CLCN5: variants seen among roughly 807,000 people sequenced by gnomAD.
CLCN5 encodes the protein H(+)/Cl(-) exchange transporter 5.
Under a neutral mutation model 54.0 loss-of-function variants are expected in CLCN5, and 17 were observed. The observed-to-expected ratio is 0.31, with a 90% CI of 0.22 to 0.47. The LOEUF (loss-of-function observed/expected upper bound fraction) is 0.47, where lower values mean the gene tolerates loss of function less well. Ranked by LOEUF, CLCN5 falls within the 20% of genes least tolerant of loss-of-function variation. The pLI is 1.00. For synonymous variants in CLCN5, 222 were observed against 233.0 expected (o/e 0.95, Z 0.43); for missense variants, 448 against 646.7 (o/e 0.69, Z 3.33).
chrX:49,934,678 A>G (rs1248373356), intron 3 of CLCN5, among the ~76,000 whole-genome samples: 2 of 112,032 alleles, frequency 1.8e-5, no homozygotes, highest in Non-Finnish European at 3.8e-5. Context: ...ACATAGAGCA[A>G]TTAGAAATAA....
intron 3 of CLCN5, among the ~76,000 whole-genome samples, chrX:49,992,149 A>G (rs1929290301): frequency 9.2e-6 from 1 of 109,210 alleles, no homozygotes; most frequent in Non-Finnish European, 1.9e-5. Context: ...GAGTTGTGCC[A>G]TAGAATCTGC....
chrX:50,029,440 A>G (rs1335818496), intron 3 of CLCN5, among the ~76,000 whole-genome samples: 1 of 109,956 alleles, frequency 9.1e-6, no homozygotes, highest in African/African-American at 3.3e-5. Flanking sequence ...GCTGAGAATG[A>G]TGGTTTCCAG....
At chrX:50,037,287 T>C in intron 3 of CLCN5, among the ~76,000 whole-genome samples, 1 of 112,212 alleles carries the variant, frequency 8.9e-6, no homozygotes, top group Non-Finnish European at 1.9e-5. Context: ...CTGAGTTACA[T>C]AGGAGCTAAG....
At chrX:50,013,357 C>T (rs1557182969) in intron 3 of CLCN5, 2 of 355,221 alleles carry the variant, frequency 5.6e-6, no homozygotes, top group Non-Finnish European at 5.7e-6. Context: ...CTGAACAATC[C>T]AAGTAGCCCG....
At chrX:50,088,477 G>A (rs1437050329) in intron 11 of CLCN5, 5 of 424,012 alleles carry the variant, frequency 1.2e-5, no homozygotes, top group Non-Finnish European at 1.7e-5. Context: ...GATGGACCCC[G>A]AATCAGGGTA....
intron 3 of CLCN5, among the ~76,000 whole-genome samples, chrX:49,926,042 A>G (rs1330825860): frequency 1.8e-5 from 2 of 112,252 alleles, no homozygotes; most frequent in Admixed American, 9.4e-5. Flanking sequence ...GACAAACACT[A>G]CCAAAATTGG....
At chrX:49,949,882 T>A (rs781989132) in intron 3 of CLCN5, among the ~76,000 whole-genome samples, 1 of 111,927 alleles carries the variant, frequency 8.9e-6, no homozygotes. Context: ...GCTTTGAGTC[T>A]CCTGAAGAGC....
chrX:49,960,043 A>G (rs1927518376), intron 3 of CLCN5, among the ~76,000 whole-genome samples: 1 of 111,024 alleles, frequency 9.0e-6, no homozygotes, highest in African/African-American at 3.3e-5. Context: ...AACCTCTTTG[A>G]CATCATCATC....
intron 3 of CLCN5, among the ~76,000 whole-genome samples, chrX:49,931,019 C>T (rs1703654272): frequency 9.0e-6 from 1 of 111,201 alleles, no homozygotes; most frequent in Non-Finnish European, 1.9e-5. Context: ...CCAAAGATCA[C>T]CTGGTGATCT....
chrX:49,987,392 G>A (rs1280491149), intron 3 of CLCN5, among the ~76,000 whole-genome samples: 28 of 112,009 alleles, frequency 2.5e-4, no homozygotes, highest in African/African-American at 9.1e-4. Context: ...AAGGTGGATG[G>A]TATCTTATCC....
At chrX:50,006,711 C>G (rs1216946249) in intron 3 of CLCN5, among the ~76,000 whole-genome samples, 1 of 111,600 alleles carries the variant, frequency 9.0e-6, no homozygotes, top group Admixed American at 9.5e-5. Flanking sequence ...ATGCAATGCA[C>G]CTTGGCAGGG....
Position 50,072,485 on chromosome X carries a change from C to G in CLCN5, c.316-4C>G. The G allele has an allele frequency of 8.5e-7, 1 of 1,175,295 alleles. No homozygotes were observed. Among genetic ancestry groups the G allele is most frequent in the Non-Finnish European group, 1.2e-6 (1 of 862,373 alleles). On this transcript the variant is annotated splice_region_variant and splice_polypyrimidine_tract_variant and intron_variant, in intron 5 of 14. Transcript: ENST00000376091. ...TGTACCAATGTTTTCTCATTTTCCCCTAGATTACCAATAAAAGCAAAGAGT... is the reference window on the plus strand; with the variant it reads ...TGTACCAATGTTTTCTCATTTTCCCGTAGATTACCAATAAAAGCAAAGAGT...
chrX:49,937,417 GATT>G (rs1404237021), intron 3 of CLCN5, among the ~76,000 whole-genome samples: 5 of 111,344 alleles, frequency 4.5e-5, no homozygotes, highest in Admixed American at 3.8e-4. Context: ...TACCTCACTA[GATT>G]ATTTCCTCGA....
At chrX:50,011,395 G>A (rs1468840685) in intron 3 of CLCN5, among the ~76,000 whole-genome samples, 2 of 112,314 alleles carry the variant, frequency 1.8e-5, no homozygotes, top group African/African-American at 6.5e-5. Context: ...AAATGTTGTG[G>A]ATGAATAGGC....
chrX:49,967,780 G>A (rs1557175746), intron 3 of CLCN5, among the ~76,000 whole-genome samples: 3 of 13,229 alleles, frequency 2.3e-4, no homozygotes, highest in Non-Finnish European at 3.6e-4. Context: ...CTCTCTCACC[G>A]CTCCTATTCA....
At chrX:49,944,938 C>T (rs2147278496) in intron 3 of CLCN5, among the ~76,000 whole-genome samples, 1 of 112,316 alleles carries the variant, frequency 8.9e-6, no homozygotes, top group South Asian at 3.7e-4. Context: ...TTCTGAACTC[C>T]TGCGTCTGTT....
chrX:49,941,767 G>A lies in CLCN5; in HGVS notation c.16+16453G>A, dbSNP rs1601959637. ...ATTTATGATTCCAGTCTTTCTACCC[G>A]ATTCCAGTCTTTCTACAGCCTGAAA... On this transcript the variant is annotated intron_variant, in intron 3 of 14. Transcript: ENST00000376091. 3.6e-5 allele frequency among the ~76,000 whole-genome samples: 4 copies of A among 110,372 alleles called. No homozygotes were observed. In the South Asian group the frequency reaches 1.2e-3, roughly 32 times the overall value.
rs781933101 is a variant in CLCN5 at position 50,047,324 on chromosome X, G to A, written c.163+4862G>A. Among the ~76,000 whole-genome samples the A allele has an allele frequency of 4.5e-5, 5 of 111,223 alleles. No homozygotes were observed. In the East Asian group the frequency reaches 8.4e-4, roughly 19 times the overall value. On this transcript the variant is annotated intron_variant, in intron 4 of 14. Transcript: ENST00000376091. Reference sequence around the variant, plus strand: ...TTAATCATTCTTATAACACTTGAACGTCCCTAAACACTTAGCCTGGAAGAA... The same window carrying A: ...TTAATCATTCTTATAACACTTGAACATCCCTAAACACTTAGCCTGGAAGAA...
chrX:50,075,841 C>G lies in CLCN5; in HGVS notation c.462C>G (p.Asp154Glu). Residue 154 changes from aspartate (D) to glutamate (E), a missense_variant, in exon 7 of 15, where the codon GAC becomes GAG. Asp to Glu is a conservative substitution (Grantham distance 45). Coordinates refer to ENST00000376091, the MANE Select transcript of CLCN5 (RefSeq NM_001127898.4). Reference protein sequence around the residue: ...LIDISAHWMTDLKEGICTGGF... With the variant: ...LIDISAHWMTELKEGICTGGF... The stretch of plus-strand genomic sequence containing the variant: ...ACATCTCTGCTCATTGGATGACAGA[C>G]TTAAAAGAAGGTATATGCACAGGGG... 8.3e-7 allele frequency: 1 copy of G among 1,211,129 alleles called. No homozygotes were observed. Among genetic ancestry groups the G allele is most frequent in the East Asian group, 3.0e-5 (1 of 33,842 alleles).
Sources: allele counts gnomAD v4.1 joint callset (sites outside exome capture counted in the v4.1 genomes callset), GRCh38; gene constraint gnomAD v4.1.1; transcripts MANE v1.5; gene names NCBI Gene and HGNC (gene_info 2026-07-23, HGNC 2026-07-21).